Variants in SV2C observed in about 807,000 individuals in gnomAD.
SV2C encodes the protein synaptic vesicle glycoprotein 2C.
A neutral mutation model predicts 79.7 loss-of-function variants in SV2C; 49 were observed. The observed-to-expected ratio is 0.61, with a 90% CI of 0.49 to 0.78. The LOEUF (loss-of-function observed/expected upper bound fraction) is 0.78. SV2C is among the 30% of genes least tolerant of loss of function. SV2C has a pLI of 0.00. For missense variants in SV2C, 833 were observed against 912.9 expected (o/e 0.91, Z 1.13); for synonymous variants, 334 against 333.2 (o/e 1.00, Z -0.03).
chr5:76,136,666 C>T (rs573102569), intron 2 of SV2C, among the ~76,000 whole-genome samples: 1 of 152,164 alleles, frequency 6.6e-6, no homozygotes, highest in Admixed American at 6.5e-5. Context: ...AACCATGGCA[C>T]GTGTATACCT....
the SV2C span, among the ~76,000 whole-genome samples, chr5:76,070,439 C>T: frequency 6.6e-6 from 1 of 152,294 alleles, no homozygotes; most frequent in Non-Finnish European, 1.5e-5. Context: ...TTTTCAGTGG[C>T]ACTTCAGTCT....
intron 4 of SV2C, among the ~76,000 whole-genome samples, chr5:76,283,754 G>A (rs1270369269): frequency 6.6e-6 from 1 of 152,132 alleles, no homozygotes; most frequent in African/African-American, 2.4e-5. Flanking sequence ...GCATGTCATT[G>A]ATGTTTACAT....
At chr5:76,055,857 G>T in the SV2C span, among the ~76,000 whole-genome samples, 3 of 152,150 alleles carry the variant, frequency 2.0e-5, no homozygotes, top group Admixed American at 6.5e-5. Flanking sequence ...TGTATCCTGA[G>T]ACTTTGCTGA....
At chr5:75,925,698 A>G in the SV2C span, among the ~76,000 whole-genome samples, 3 of 152,062 alleles carry the variant, frequency 2.0e-5, no homozygotes, top group East Asian at 5.8e-4. Context: ...AATATTTTCT[A>G]TATTATGTTC....
chr5:76,279,640 G>A (rs908744664), intron 4 of SV2C, among the ~76,000 whole-genome samples: 2 of 152,218 alleles, frequency 1.3e-5, no homozygotes, highest in African/African-American at 4.8e-5. Flanking sequence ...TTTGGGAACA[G>A]CCTGTTTGGG....
the SV2C span, among the ~76,000 whole-genome samples, chr5:75,949,364 G>T: frequency 7.9e-5 from 12 of 152,032 alleles, no homozygotes; most frequent in Non-Finnish European, 1.8e-4. Flanking sequence ...GCAGAGAAGT[G>T]ACCTATTCAA....
chr5:76,128,579 G>T (rs1381819450), intron 1 of SV2C, among the ~76,000 whole-genome samples: 1 of 152,142 alleles, frequency 6.6e-6, no homozygotes, highest in Admixed American at 6.5e-5. Flanking sequence ...GTGACTTTGG[G>T]CTAATCTCTC....
chr5:76,121,010 C>T (rs1191288461), intron 1 of SV2C, among the ~76,000 whole-genome samples: 27 of 151,026 alleles, frequency 1.8e-4, no homozygotes, highest in Middle Eastern at 3.4e-3. Flanking sequence ...CCTATTTCTC[C>T]ACATCCTCTC....
At chr5:76,093,321 C>A (rs2112101962) in intron 1 of SV2C, among the ~76,000 whole-genome samples, 1 of 152,256 alleles carries the variant, frequency 6.6e-6, no homozygotes, top group South Asian at 2.1e-4. Context: ...GTCTGAGAAG[C>A]TGCTTGGCAG....
the SV2C span, among the ~76,000 whole-genome samples, chr5:75,862,658 A>G: frequency 6.6e-6 from 1 of 152,266 alleles, no homozygotes; most frequent in South Asian, 2.1e-4. Flanking sequence ...TTTCAGGCCT[A>G]GCTACTTACC....
intron 12 of SV2C, among the ~76,000 whole-genome samples, chr5:76,312,481 G>A (rs1748482075): frequency 6.6e-6 from 1 of 152,104 alleles, no homozygotes; most frequent in African/African-American, 2.4e-5. Flanking sequence ...TCGAACTCCT[G>A]ACCTCAAGTG....
chr5:76,046,386 C>T, the SV2C span, among the ~76,000 whole-genome samples: 4 of 152,098 alleles, frequency 2.6e-5, no homozygotes, highest in Non-Finnish European at 4.4e-5. Context: ...CTTCCCAGAA[C>T]GCTTCATGGA....
At chr5:76,269,039 C>T (rs1475144036) in intron 4 of SV2C, among the ~76,000 whole-genome samples, 1 of 152,196 alleles carries the variant, frequency 6.6e-6, no homozygotes, top group Non-Finnish European at 1.5e-5. Context: ...AGTACCTCAC[C>T]TATGACATGG....
chr5:76,336,165 T>C (rs1749320821), downstream of SV2C, among the ~76,000 whole-genome samples: 2 of 149,996 alleles, frequency 1.3e-5, no homozygotes, highest in African/African-American at 2.5e-5. Context: ...CCCACCTCCC[T>C]CCCGGATGGG....
At chr5:76,272,036 C>G (rs1262248292) in intron 4 of SV2C, among the ~76,000 whole-genome samples, 1 of 152,108 alleles carries the variant, frequency 6.6e-6, no homozygotes, top group Non-Finnish European at 1.5e-5. Context: ...GAGTCATGAG[C>G]TAAGCAGCTG....
chr5:75,969,391 G>C, the SV2C span, among the ~76,000 whole-genome samples: 10 of 152,210 alleles, frequency 6.6e-5, no homozygotes, highest in Non-Finnish European at 1.2e-4. Flanking sequence ...AAATTGGATA[G>C]AGTCAAGACC....
intron 4 of SV2C, among the ~76,000 whole-genome samples, chr5:76,271,609 A>G (rs1434921346): frequency 2.8e-5 from 4 of 141,038 alleles, no homozygotes; most frequent in African/African-American, 7.9e-5. Context: ...ACTACTAAGC[A>G]TGTGTTCTTT....
the SV2C span, among the ~76,000 whole-genome samples, chr5:75,887,564 C>T: frequency 6.6e-6 from 1 of 152,114 alleles, no homozygotes; most frequent in Admixed American, 6.6e-5. Flanking sequence ...GGTTTATCTT[C>T]CATCGTCTGG....
chr5:76,004,270 C>A, the SV2C span, among the ~76,000 whole-genome samples: 1 of 152,158 alleles, frequency 6.6e-6, no homozygotes, highest in Non-Finnish European at 1.5e-5. Flanking sequence ...CCAGAAAATT[C>A]TTCCTTACAT....
Sources: allele counts gnomAD v4.1 joint callset (sites outside exome capture counted in the v4.1 genomes callset), GRCh38; gene constraint gnomAD v4.1.1; transcripts MANE v1.5; gene names NCBI Gene and HGNC (gene_info 2026-07-23, HGNC 2026-07-21).